Variants in APBA1 observed in about 807,000 individuals in gnomAD.
The protein encoded by APBA1 is amyloid-beta A4 precursor protein-binding family A member 1.
Under a neutral mutation model 86.6 loss-of-function variants are expected in APBA1, and 55 were observed. The ratio of observed to expected loss-of-function variants is 0.64; its 90% CI spans 0.51 to 0.80. The LOEUF (loss-of-function observed/expected upper bound fraction) is 0.80. APBA1 is among the 30% of genes least tolerant of loss of function. APBA1 has a pLI of 0.00. For synonymous variants in APBA1, 511 were observed against 493.9 expected, an observed-to-expected ratio of 1.03 and a Z score of -0.46; for missense variants, 1,090 against 1,183.0, an observed-to-expected ratio of 0.92 and a Z score of 1.15.
Position 69,537,360 on chromosome 9 carries a change from G to A in APBA1, c.-69-20081C>T, listed in dbSNP as rs539262557. 9.7e-4 allele frequency among the ~76,000 whole-genome samples: 147 copies of A among 152,134 alleles called. 1 individual carries two copies. Among genetic ancestry groups the A allele is most frequent in the African/African-American group, 3.3e-3 (138 of 41,540 alleles). On this transcript the variant is annotated intron_variant, in intron 1 of 12. Coordinates refer to ENST00000265381, the MANE Select transcript of APBA1 (RefSeq NM_001163.4). The stretch of plus-strand genomic sequence containing the variant: ...TACTTCACCTCTGCACTAAGTAGAT[G>A]ATCCCACCTTTTCACTGGGACAGCT...
chr9:69,490,256 T>C (rs946284131), intron 2 of APBA1, among the ~76,000 whole-genome samples: 53 of 151,504 alleles, frequency 3.5e-4, no homozygotes, highest in African/African-American at 1.2e-3. Flanking sequence ...TTCTCACTCA[T>C]AGGTGGGAAT....
At chr9:69,589,463 T>C (rs574620841) in intron 1 of APBA1, among the ~76,000 whole-genome samples, 1 of 152,252 alleles carries the variant, frequency 6.6e-6, no homozygotes, top group South Asian at 2.1e-4. Flanking sequence ...CCCCTTCCTC[T>C]CTCACAACCA....
intron 10 of APBA1, among the ~76,000 whole-genome samples, chr9:69,448,495 G>A (rs1443422524): frequency 6.6e-6 from 1 of 152,184 alleles, no homozygotes; most frequent in Non-Finnish European, 1.5e-5. Flanking sequence ...TTCCAGATGT[G>A]ATTATCTTAT....
chr9:69,470,049 A>T (rs1475749067), intron 4 of APBA1, among the ~76,000 whole-genome samples: 1 of 152,242 alleles, frequency 6.6e-6, no homozygotes, highest in Non-Finnish European at 1.5e-5. Context: ...GTTTAAAAGC[A>T]ATCCAAATTA....
intron 11 of APBA1, among the ~76,000 whole-genome samples, chr9:69,440,388 C>G (rs1222279450): frequency 1.3e-5 from 2 of 152,106 alleles, no homozygotes; most frequent in Non-Finnish European, 2.9e-5. Flanking sequence ...GAGGTGGAGC[C>G]TACAGAGGCA....
Position 69,456,412 on chromosome 9 carries a change from AG to A in APBA1, c.1622del (p.Pro541LeufsTer2). The A allele has an allele frequency of 1.2e-6, 2 of 1,603,074 alleles. No individual in the cohort carries two copies. Among genetic ancestry groups the A allele is most frequent in the Non-Finnish European group, 1.7e-6 (2 of 1,173,456 alleles). Reference sequence around the variant, plus strand: ...CCGCAATGTAGGAAATGGTCCTCAGAGGGTGGTCCATCATTGTCTCCTGGAG... The same window carrying A: ...CCGCAATGTAGGAAATGGTCCTCAGAGGTGGTCCATCATTGTCTCCTGGAG... ...ADTQETMMDH[P>X]LRTISYIADI... On this transcript the variant is annotated frameshift_variant, in exon 8 of 13. Transcript: ENST00000265381. LOFTEE classifies it high-confidence loss of function.
At chr9:69,435,267 G>C (rs1307776992) in intron 11 of APBA1, among the ~76,000 whole-genome samples, 1 of 152,146 alleles carries the variant, frequency 6.6e-6, no homozygotes, top group South Asian at 2.1e-4. Flanking sequence ...GTGTGCATGT[G>C]TCTTTGCAGC....
intron 1 of APBA1, among the ~76,000 whole-genome samples, chr9:69,634,392 T>G (rs781778307): frequency 1.3e-5 from 2 of 152,286 alleles, no homozygotes; most frequent in African/African-American, 2.4e-5. Context: ...CAACTTGAGT[T>G]CCTGCAAGTC....
chr9:69,599,095 G>A (rs1308402456), intron 1 of APBA1, among the ~76,000 whole-genome samples: 3 of 152,184 alleles, frequency 2.0e-5, no homozygotes, highest in Non-Finnish European at 2.9e-5. Flanking sequence ...GTTGTTTAAC[G>A]AGTTTGGAGT....
At chr9:69,658,256 CTTTCTTTCTTTCTTTCTT>C (rs1564104774) in intron 1 of APBA1, among the ~76,000 whole-genome samples, 16 of 24,292 alleles carry the variant, frequency 6.6e-4, no homozygotes, top group African/African-American at 9.7e-4. Flanking sequence ...TTCTTTCTTT[CTTTCTTTCTTTCTTTCTT>C]TCTTTCTTTC....
chr9:69,481,922 A>C (rs1321530227), intron 2 of APBA1, among the ~76,000 whole-genome samples: 3 of 151,772 alleles, frequency 2.0e-5, no homozygotes, highest in Non-Finnish European at 2.9e-5. Flanking sequence ...AGCCATATGT[A>C]GAAAGCTGAA....
In APBA1 at chr9:69,442,839, T is replaced by C. The variant is rs142825012; in HGVS notation, c.2182-1724A>G. On this transcript the variant is annotated intron_variant, in intron 10 of 12. Coordinates refer to ENST00000265381, the MANE Select transcript of APBA1 (RefSeq NM_001163.4). ...ATTTCACATTTTAAAGATGAAGACA[T>C]AGACACAGATTGCTTTGTCCAAGGG... 2.8e-3 allele frequency among the ~76,000 whole-genome samples: 427 copies of C among 152,312 alleles called. 3 individuals carry two copies. The highest frequency in any genetic ancestry group is 9.1e-3 in the African/African-American group (377 of 41,560).
Position 69,441,030 on chromosome 9 carries a change from C to A in APBA1, c.2267G>T (p.Arg756Leu). 1.9e-6 allele frequency: 3 copies of A among 1,614,032 alleles called. No individual in the cohort carries two copies. Among genetic ancestry groups the A allele is most frequent in the East Asian group, 2.2e-5 (1 of 44,876 alleles). ...TTVLIRRPDL[R>L]YQLGFSVQNG... ...CTGGACGCTGAAACCGAGCTGGTAGCGAAGGTCTGGTCTTCTGATTAACAC... is the reference window on the plus strand; with the variant it reads ...CTGGACGCTGAAACCGAGCTGGTAGAGAAGGTCTGGTCTTCTGATTAACAC... The change falls in exon 11 of 13, where the codon CGC becomes CTC. Residue 756 changes from arginine to leucine, a missense_variant. Arg to Leu is a moderately radical substitution (Grantham distance 102). This residue lies in a region of APBA1 where 119 missense variants were observed against 124.8 expected (regional missense o/e 0.95). Transcript: ENST00000265381.
chr9:69,652,302 G>A (rs958720712), intron 1 of APBA1, among the ~76,000 whole-genome samples: 4 of 152,180 alleles, frequency 2.6e-5, no homozygotes, highest in African/African-American at 9.7e-5. Context: ...TGGTTTTTAT[G>A]GAACCCAGGT....
intron 1 of APBA1, among the ~76,000 whole-genome samples, chr9:69,598,461 A>G (rs996189722): frequency 2.6e-5 from 4 of 152,106 alleles, no homozygotes; most frequent in East Asian, 1.9e-4. Context: ...AAAAAAAAAA[A>G]AGAGAAATCT....
chr9:69,660,812 T>C (rs1464154816), intron 1 of APBA1, among the ~76,000 whole-genome samples: 3 of 152,114 alleles, frequency 2.0e-5, no homozygotes, highest in African/African-American at 7.2e-5. Context: ...TTCTCAGTGT[T>C]AAGGGAGATG....
At chr9:69,652,059 C>T (rs1047195754) in intron 1 of APBA1, among the ~76,000 whole-genome samples, 3 of 152,154 alleles carry the variant, frequency 2.0e-5, no homozygotes, top group Non-Finnish European at 2.9e-5. Context: ...GAAAAGGCCA[C>T]GTGAGGACAC....
chr9:69,632,054 TA>T (rs1823057966), intron 1 of APBA1, among the ~76,000 whole-genome samples: 1 of 148,042 alleles, frequency 6.8e-6, no homozygotes, highest in Admixed American at 6.7e-5. Flanking sequence ...TAATAAAAAA[TA>T]AAAATAAAAA....
At chr9:69,540,647 T>G (rs1313948487) in intron 1 of APBA1, among the ~76,000 whole-genome samples, 1 of 152,224 alleles carries the variant, frequency 6.6e-6, no homozygotes, top group Non-Finnish European at 1.5e-5. Flanking sequence ...TCACTCAGGC[T>G]GGACTGCACT....
Sources: gnomAD v4.1 joint callset for allele counts (sites outside exome capture counted in the v4.1 genomes callset) on GRCh38, gnomAD v4.1.1 for gene constraint, gnomAD v4.1.1 regional missense constraint, MANE v1.5 for transcripts, NCBI Gene and HGNC (gene_info 2026-07-23, HGNC 2026-07-21) for gene names.